Variants in ZFP37 observed in about 807,000 individuals in gnomAD.
The protein encoded by ZFP37 is ZFP37 zinc finger protein.
In ZFP37, 38 loss-of-function variants were observed where a neutral mutation model predicts 52.1. The observed-to-expected ratio is 0.73, with a 90% CI of 0.56 to 0.96. ZFP37 has a LOEUF of 0.96. Ranked by LOEUF, ZFP37 falls within the 40% of genes least tolerant of loss-of-function variation. The probability of loss-of-function intolerance (pLI) is 0.00; values close to 1 mark genes in which losing one functional copy is unlikely to be tolerated. For synonymous variants in ZFP37, 253 were observed against 259.5 expected, an observed-to-expected ratio of 0.98 and a Z score of 0.24; for missense variants, 695 against 741.4, an observed-to-expected ratio of 0.94 and a Z score of 0.73.
In ZFP37 at chr9:113,049,443, G is replaced by A; in HGVS notation, c.268C>T (p.Pro90Ser). 6.2e-7 allele frequency: 1 copy of A among 1,613,904 alleles called. No homozygotes were observed. The highest frequency in any genetic ancestry group is 8.5e-7 in the Non-Finnish European group (1 of 1,179,962). Residue 90 changes from proline (P) to serine (S), a missense_variant, in exon 3 of 4, where the codon CCA becomes TCA. This residue lies in a region of ZFP37 where 369 missense variants were observed against 340.9 expected (regional missense o/e 1.08). Coordinates refer to ENST00000374227, the MANE Select transcript of ZFP37 (RefSeq NM_003408.3). Reference sequence around the variant, plus strand: ...GGTCTTTTCCCCTTCCCCAACCATGGTGCTTCTCCTTTTTCCAACTTGGAG... The same window carrying A: ...GGTCTTTTCCCCTTCCCCAACCATGATGCTTCTCCTTTTTCCAACTTGGAG... The part of the protein sequence containing the change: ...MISKLEKGEA[P>S]WLGKGKRPSQ...
chr9:113,041,778 T>C lies in ZFP37; in HGVS notation c.*947A>G, dbSNP rs1354252867. ...TGAGATCTCACATGTTGATCTCACA[T>C]GTTGTGGAGGGGCTCAGTGACAACC... On this transcript the variant is annotated 3_prime_UTR_variant, in exon 4 of 4. Transcript: ENST00000374227. The C allele has an allele frequency of 6.6e-6, 1 of 152,206 alleles. No homozygotes were observed. The highest frequency in any genetic ancestry group is 1.5e-5 in the Non-Finnish European group (1 of 68,036). The allele number at this position is 152,206 out of a possible 1,614,324, so 9.4% of individuals were successfully genotyped here.
At chr9:113,044,414 G>T in intron 3 of ZFP37, 146 bp from the exon 4 acceptor site, 1 of 629,484 alleles carries the variant, frequency 1.6e-6, no homozygotes, top group Non-Finnish European at 2.5e-6. Flanking sequence ...AGGGTGAATG[G>T]ACTTGAGGGG....
At chr9:113,055,792 G>T (rs1404180194) in intron 1 of ZFP37, among the ~76,000 whole-genome samples, 3 of 151,846 alleles carry the variant, frequency 2.0e-5, no homozygotes, top group African/African-American at 7.3e-5. Flanking sequence ...TCAAACTCCT[G>T]ACCCCCTTAG....
chr9:113,053,861 G>C (rs1426682481), intron 1 of ZFP37, among the ~76,000 whole-genome samples: 1 of 152,134 alleles, frequency 6.6e-6, no homozygotes, highest in Admixed American at 6.5e-5. Context: ...CTTCACTCCT[G>C]CAAGTACCTC....
At chr9:113,045,671 G>A (rs1297848147) in intron 3 of ZFP37, among the ~76,000 whole-genome samples, 1 of 152,006 alleles carries the variant, frequency 6.6e-6, no homozygotes, top group Non-Finnish European at 1.5e-5. Context: ...TCCAAATTCT[G>A]GCTAAAAACA....
At position 113,049,462 on chromosome 9, in the gene ZFP37, C is replaced by T; in HGVS notation, c.249G>A (p.Lys83=). ...CQAPKPDMIS[K]LEKGEAPWLG... The stretch of plus-strand genomic sequence containing the variant: ...ACCATGGTGCTTCTCCTTTTTCCAA[C>T]TTGGAGATCATGTCTGGTTTGGGAG... Residue 83 remains lysine, a synonymous_variant, in exon 3 of 4, where the codon AAG becomes AAA. Coordinates refer to ENST00000374227, the MANE Select transcript of ZFP37 (RefSeq NM_003408.3). The T allele has an allele frequency of 6.2e-7, 1 of 1,613,952 alleles. No individual in the cohort carries two copies.
rs1455212242 is a variant in ZFP37, at chr9:113,056,606, G to A, written c.83C>T (p.Ala28Val). 1 of 1,613,770 alleles carries A rather than the reference G, an allele frequency of 6.2e-7. No homozygotes were observed. Among genetic ancestry groups the A allele is most frequent in the Non-Finnish European group, 8.5e-7 (1 of 1,180,038 alleles). ...RRRSAETTKE[A>V]GRPLEMAVSE... is the part of the protein sequence containing the mutation. ...CACAGCCATCTCCAGTGGTCGCCCG[G>A]CCTCTTTGGTCGTTTCCGCACTTCT... The change falls in exon 1 of 4, where the codon GCC (alanine) becomes GTC (valine). Residue 28 changes from alanine to valine, a missense_variant. Ala to Val is a moderately conservative substitution (Grantham distance 64). Transcript: ENST00000374227.
At position 113,043,163 on chromosome 9, in the gene ZFP37, C is replaced by T. The variant is rs1828882197; in HGVS notation, c.1455G>A (p.Lys485=). The change falls in exon 4 of 4, where the codon AAG becomes AAA. Residue 485 remains lysine (K), a synonymous_variant. Coordinates refer to ENST00000374227, the MANE Select transcript of ZFP37 (RefSeq NM_003408.3). The part of the protein sequence containing the change: ...HLIIHQRTHT[K]EKPYKCNECG... ...ACTCATTACATTTATAAGGTTTCTC[C>T]TTAGTATGAGTTCTTTGATGTATAA... 1.9e-6 allele frequency: 3 copies of T among 1,613,564 alleles called. No homozygotes were observed. Among genetic ancestry groups the T allele is most frequent in the African/African-American group, 1.3e-5 (1 of 74,872 alleles).
intron 1 of ZFP37, 128 bp from the exon 2 acceptor site, chr9:113,050,000 T>A: frequency 7.0e-7 from 1 of 1,431,418 alleles, no homozygotes; most frequent in South Asian, 1.4e-5. Context: ...GTTCTTACCT[T>A]GACTACTCAC....
rs1669210671 is a variant in ZFP37 at position 113,040,266 on chromosome 9, C to T, written c.*2459G>A. 6.6e-6 allele frequency: 1 copy of T among 152,234 alleles called. No homozygotes were observed. Among genetic ancestry groups the T allele is most frequent in the African/African-American group, 2.4e-5 (1 of 41,454 alleles). The allele number at this position is 152,234 out of a possible 1,614,324, so 9.4% of individuals were successfully genotyped here. On this transcript the variant is annotated 3_prime_UTR_variant, in exon 4 of 4. Transcript: ENST00000374227. ...TGGCAATACTATGGGTTCCCCAAGA[C>T]ATGTGGAAATTCAACATAGCCATAA...
intron 1 of ZFP37, among the ~76,000 whole-genome samples, chr9:113,055,376 A>G (rs1829122661): frequency 6.6e-6 from 1 of 152,200 alleles, no homozygotes; most frequent in East Asian, 1.9e-4. Flanking sequence ...AGTGTCTGGA[A>G]TAATTTTATT....
In ZFP37 at chr9:113,038,573, A is replaced by C. The variant is rs1333074006; in HGVS notation, c.*4152T>G. ...CAAGGTGGGCAGATCACTTGAGCCC[A>C]GAAGTTTGAGACCAGCCTGAGTAAC... is the stretch of plus-strand genomic sequence containing the variant. On this transcript the variant is annotated 3_prime_UTR_variant, in exon 4 of 4. Coordinates refer to ENST00000374227, the MANE Select transcript of ZFP37 (RefSeq NM_003408.3). 6.6e-6 allele frequency: 1 copy of C among 151,648 alleles called. No individual in the cohort carries two copies. Among genetic ancestry groups the C allele is most frequent in the Non-Finnish European group, 1.5e-5 (1 of 67,936 alleles). 9.4% of individuals were successfully genotyped at this position (151,648 alleles called of 1,614,324 possible).
At chr9:113,056,229 G>C (rs1829141634) in intron 1 of ZFP37, among the ~76,000 whole-genome samples, 1 of 151,970 alleles carries the variant, frequency 6.6e-6, no homozygotes, top group Non-Finnish European at 1.5e-5. Context: ...GGCTCCCATA[G>C]ACATCCCAAA....
Position 113,050,480 on chromosome 9 carries a change from A to G in ZFP37, c.133-608T>C, listed in dbSNP as rs942104960. Among the ~76,000 whole-genome samples the G allele has an allele frequency of 1.9e-4, 29 of 152,056 alleles. 1 individual carries two copies. Among genetic ancestry groups the G allele is most frequent in the African/African-American group, 6.3e-4 (26 of 41,458 alleles). ...AAAGACAAATAGCCAAAAAAAAAAA[A>G]AAAAAAGAAAAAAGGAACAGAATCA... On this transcript the variant is annotated intron_variant, in intron 1 of 3. Coordinates refer to ENST00000374227, the MANE Select transcript of ZFP37 (RefSeq NM_003408.3).
chr9:113,051,128 A>C (rs979623937), intron 1 of ZFP37, among the ~76,000 whole-genome samples: 1 of 152,212 alleles, frequency 6.6e-6, no homozygotes, highest in Non-Finnish European at 1.5e-5. Flanking sequence ...AAGACTTAAT[A>C]TGCAAGACAG....
In ZFP37 at chr9:113,043,470, CCACATTCAG is replaced by C; in HGVS notation, c.1139_1147del (p.Ala380_Cys382del). 6.2e-7 allele frequency: 1 copy of C among 1,614,034 alleles called. No homozygotes were observed. The highest frequency in any genetic ancestry group is 8.5e-7 in the Non-Finnish European group (1 of 1,179,946). ...GTTTGAGCTGTGTCTGAAGGTTTTC[CCACATTCAG>C]CACATTCATAGGGCTTTTCTCCAGT... is the stretch of plus-strand genomic sequence containing the variant. On this transcript the variant is annotated inframe_deletion, in exon 4 of 4. Coordinates refer to ENST00000374227, the MANE Select transcript of ZFP37 (RefSeq NM_003408.3).
intron 1 of ZFP37, among the ~76,000 whole-genome samples, chr9:113,056,230 A>G (rs1490660229): frequency 6.6e-6 from 1 of 152,042 alleles, no homozygotes; most frequent in East Asian, 1.9e-4. Flanking sequence ...GCTCCCATAG[A>G]CATCCCAAAC....
Position 113,038,820 on chromosome 9 carries a change from C to T in ZFP37, c.*3905G>A, listed in dbSNP as rs955577607. On this transcript the variant is annotated 3_prime_UTR_variant, in exon 4 of 4. Coordinates refer to ENST00000374227, the MANE Select transcript of ZFP37 (RefSeq NM_003408.3). ...CAAAAAAAGAAAGATTCAATTTCCT[C>T]AAGCCACCTGAAACTAGGTGTGGTC... is the stretch of plus-strand genomic sequence containing the variant. The T allele has an allele frequency of 6.6e-6, 1 of 151,992 alleles. No homozygotes were observed. The highest frequency in any genetic ancestry group is 2.1e-4 in the South Asian group (1 of 4,828). 9.4% of individuals were successfully genotyped at this position (151,992 alleles called of 1,614,324 possible).
chr9:113,055,404 A>C (rs751407044), intron 1 of ZFP37, among the ~76,000 whole-genome samples: 1 of 152,202 alleles, frequency 6.6e-6, no homozygotes. Context: ...ATTTTATGAT[A>C]TCTTTCATAT....
Sources: allele counts gnomAD v4.1 joint callset (sites outside exome capture counted in the v4.1 genomes callset), GRCh38; gene constraint gnomAD v4.1.1; regional missense constraint gnomAD v4.1.1; transcripts MANE v1.5; gene names NCBI Gene and HGNC (gene_info 2026-07-23, HGNC 2026-07-21).